LAMA1: variants seen among roughly 807,000 people sequenced by gnomAD.
LAMA1 encodes laminin subunit alpha-1.
In LAMA1, 219 loss-of-function variants were observed where a neutral mutation model predicts 348.7. The ratio of observed to expected loss-of-function variants is 0.63; its 90% CI spans 0.56 to 0.70. The LOEUF (loss-of-function observed/expected upper bound fraction) is 0.70. LAMA1 is among the 30% of genes least tolerant of loss of function. LAMA1 has a pLI of 0.00. For missense variants in LAMA1, 3,744 were observed against 3,888.0 expected (o/e 0.96, Z 0.99); for synonymous variants, 1,487 against 1,491.0 (o/e 1.00, Z 0.06).
Position 7,034,548 on chromosome 18 carries a change from G to GTCA in LAMA1, c.1979_1981dup (p.Met660dup). 2.5e-6 allele frequency: 4 copies of GTCA among 1,614,170 alleles called. No homozygotes were observed. Among genetic ancestry groups the GTCA allele is most frequent in the Non-Finnish European group, 3.4e-6 (4 of 1,180,040 alleles). On this transcript the variant is annotated inframe_insertion, in exon 14 of 63. Transcript: ENST00000389658. Reference sequence around the variant, plus strand: ...AAGATGTGTCACATTGGCAAGGACAGTCATCAGCTGGTCACGATCAATCTG... The same window carrying GTCA: ...AAGATGTGTCACATTGGCAAGGACAGTCATCATCAGCTGGTCACGATCAATCTG...
chr18:6,968,280 C>G (rs2057642704), intron 48 of LAMA1, among the ~76,000 whole-genome samples: 1 of 152,200 alleles, frequency 6.6e-6, no homozygotes, highest in Admixed American at 6.5e-5. Context: ...CACCAGACCT[C>G]CCTGATTCTC....
chr18:7,103,674 C>T (rs1027413858), intron 1 of LAMA1, among the ~76,000 whole-genome samples: 19 of 151,540 alleles, frequency 1.3e-4, no homozygotes, highest in African/African-American at 3.9e-4. Context: ...AAAAAACTAG[C>T]CAGGCATGGT....
chr18:7,002,010 T>C (rs776983622), intron 30 of LAMA1, among the ~76,000 whole-genome samples: 4 of 152,236 alleles, frequency 2.6e-5, no homozygotes, highest in Non-Finnish European at 5.9e-5. Flanking sequence ...AAAATGAGTC[T>C]TAAAAAACAA....
intron 3 of LAMA1, among the ~76,000 whole-genome samples, chr18:7,065,829 G>A (rs889977424): frequency 4.6e-5 from 7 of 152,212 alleles, no homozygotes; most frequent in Non-Finnish European, 8.8e-5. Flanking sequence ...ATGCCATCCA[G>A]CTAATTATTT....
chr18:7,017,569 G>C (rs151154216), intron 19 of LAMA1, among the ~76,000 whole-genome samples, 185 bp from the exon 20 acceptor site: 79 of 152,276 alleles, frequency 5.2e-4, no homozygotes, highest in African/African-American at 1.9e-3. Flanking sequence ...CTGAAACAGG[G>C]TTAGTGGAAG....
rs187717928 is a variant in LAMA1 at position 7,065,103 on chromosome 18, C to T, written c.346-14167G>A. ...AAAAAATTAGCCAGGCATAGTGGCA[C>T]GTGCCTGTAGTCCCAGCTACTCAGG... On this transcript the variant is annotated intron_variant, in intron 3 of 62. Coordinates refer to ENST00000389658, the MANE Select transcript of LAMA1 (RefSeq NM_005559.4). Among the ~76,000 whole-genome samples the T allele has an allele frequency of 9.7e-3, 1,474 of 151,976 alleles. 15 individuals are homozygous for T. Among genetic ancestry groups the T allele is most frequent in the Non-Finnish European group, 0.013 (899 of 67,962 alleles).
intron 1 of LAMA1, among the ~76,000 whole-genome samples, chr18:7,104,698 A>G (rs1273624350): frequency 6.6e-6 from 1 of 152,220 alleles, no homozygotes; most frequent in Non-Finnish European, 1.5e-5. Flanking sequence ...GCAATTCAAC[A>G]GGGATGGCAT....
At chr18:6,965,456 C>T (rs1293535399) in intron 49 of LAMA1, 24 bp from the exon 50 acceptor site, 2 of 1,613,832 alleles carry the variant, frequency 1.2e-6, no homozygotes, top group East Asian at 2.2e-5. Context: ...AACACAGTTC[C>T]CCAGGTTATA....
In LAMA1 at chr18:7,029,071, G is replaced by A. The variant is rs1243092900; in HGVS notation, c.2275-2965C>T. ...TTTCCCATATACCACATTTAATTTG[G>A]AATTGTAAGCATTTGTATTACATCC... On this transcript the variant is annotated intron_variant, in intron 16 of 62. Coordinates refer to ENST00000389658, the MANE Select transcript of LAMA1 (RefSeq NM_005559.4). Among the ~76,000 whole-genome samples the A allele has an allele frequency of 2.0e-5, 3 of 152,244 alleles. No individual in the cohort carries two copies. In the East Asian group the frequency reaches 5.8e-4, roughly 29 times the overall value.
chr18:7,036,831 T>C (rs1226031039), intron 12 of LAMA1, among the ~76,000 whole-genome samples: 1 of 152,184 alleles, frequency 6.6e-6, no homozygotes, highest in Non-Finnish European at 1.5e-5. Context: ...TACACTAGCA[T>C]GCCTGTATGC....
At chr18:6,944,810 C>T in intron 61 of LAMA1, among the ~76,000 whole-genome samples, 1 of 152,032 alleles carries the variant, frequency 6.6e-6, no homozygotes, top group East Asian at 1.9e-4. Context: ...CAGACTAAGA[C>T]AGGAGGAAAG....
chr18:7,066,145 G>C (rs1471476641), intron 3 of LAMA1, among the ~76,000 whole-genome samples: 1 of 152,146 alleles, frequency 6.6e-6, no homozygotes, highest in East Asian at 1.9e-4. Context: ...ATAGCCTAGA[G>C]AACTTTAAAA....
intron 1 of LAMA1, among the ~76,000 whole-genome samples, chr18:7,100,269 G>A (rs183891456): frequency 2.0e-5 from 3 of 151,884 alleles, no homozygotes; most frequent in Non-Finnish European, 2.9e-5. Flanking sequence ...GATGCTCAAT[G>A]TCATTAATCA....
intron 61 of LAMA1, 26 bp downstream of exon 61, chr18:6,947,137 G>C: frequency 1.2e-6 from 2 of 1,614,110 alleles, no homozygotes; most frequent in Non-Finnish European, 1.7e-6. Context: ...GGGGGAGGAA[G>C]ACCCTCATGG....
chr18:7,017,880 T>A (rs1457421024), intron 19 of LAMA1, among the ~76,000 whole-genome samples: 1 of 152,208 alleles, frequency 6.6e-6, no homozygotes, highest in Non-Finnish European at 1.5e-5. Context: ...CATGAGTCAT[T>A]TGTAGTTTCA....
At chr18:6,945,602 G>A (rs1386308229) in intron 61 of LAMA1, among the ~76,000 whole-genome samples, 3 of 152,162 alleles carry the variant, frequency 2.0e-5, no homozygotes, top group African/African-American at 7.2e-5. Context: ...ATGTAGTTAG[G>A]TAGAGAGAGG....
At chr18:7,105,992 T>TG (rs2143827769) in intron 1 of LAMA1, among the ~76,000 whole-genome samples, 1 of 152,308 alleles carries the variant, frequency 6.6e-6, no homozygotes, top group East Asian at 1.9e-4. Flanking sequence ...CAGAAGAAAC[T>TG]GGCTTTCCCT....
rs199766289 is a variant in LAMA1 at position 6,983,169 on chromosome 18, A to T, written c.5726T>A (p.Ile1909Asn). The change falls in exon 40 of 63, where the codon ATC (isoleucine) becomes AAC (asparagine). Residue 1909 changes from isoleucine to asparagine, a missense_variant. Ile to Asn is a moderately radical substitution (Grantham distance 149). Transcript: ENST00000389658. ...ATSAAYVHYN[I>N]QSLIEESEEL... ...CTCCGATTCTTCAATCAGGCTCTGG[A>T]TGTTGTAATGGACATAGGCTGCACT... The T allele has an allele frequency of 1.2e-5, 20 of 1,613,998 alleles. No homozygotes were observed. Among genetic ancestry groups the T allele is most frequent in the Admixed American group, 5.0e-5 (3 of 59,990 alleles).
Position 6,943,481 on chromosome 18 carries a change from A to G in LAMA1, c.8845-79T>C. On this transcript the variant is annotated intron_variant, in intron 61 of 62. Transcript: ENST00000389658. ...TGTATAAGCTCTTGGAGTAGATAAA[A>G]TTGCAGCATTATGTTTAAAAGGAGA... 3.4e-6 allele frequency: 4 copies of G among 1,159,530 alleles called. No homozygotes were observed. The South Asian group carries it at 4.9e-5, about 14-fold the overall frequency. 71.8% of individuals were successfully genotyped at this position (1,159,530 alleles called of 1,614,324 possible). A position where few individuals can be genotyped will look rare whatever the true frequency, so the allele number is the denominator to read the frequency against.
Sources: allele counts gnomAD v4.1 joint callset (sites outside exome capture counted in the v4.1 genomes callset), GRCh38; gene constraint gnomAD v4.1.1; transcripts MANE v1.5; gene names NCBI Gene and HGNC (gene_info 2026-07-23, HGNC 2026-07-21).